ADAMTS17: variants seen among roughly 807,000 people sequenced by gnomAD.
ADAMTS17 encodes the protein ADAM metallopeptidase with thrombospondin type 1 motif 17.
Under a neutral mutation model 141.5 loss-of-function variants are expected in ADAMTS17, and 113 were observed. The ratio of observed to expected loss-of-function variants is 0.80; its 90% confidence interval spans 0.69 to 0.93. The LOEUF is 0.93. Ranked by LOEUF, ADAMTS17 falls within the 40% of genes least tolerant of loss-of-function variation. ADAMTS17 has a pLI of 0.00. For synonymous variants in ADAMTS17, 768 were observed against 630.6 expected, an observed-to-expected ratio of 1.22 and a Z score of -3.27; for missense variants, 1,659 against 1,517.9, an observed-to-expected ratio of 1.09 and a Z score of -1.54.
chr15:100,168,261 C>G (rs1175233910), intron 8 of ADAMTS17: 2 of 152,372 alleles, frequency 1.3e-5, no homozygotes, highest in East Asian at 3.9e-4. Flanking sequence ...CAGGGTGGCT[C>G]TATCAGAAGA....
intron 9 of ADAMTS17, among the ~76,000 whole-genome samples, chr15:100,154,416 T>C (rs887334659): frequency 1.9e-4 from 29 of 152,146 alleles, no homozygotes; most frequent in African/African-American, 6.8e-4. Flanking sequence ...TGCCACTACA[T>C]CCTGAATTCG....
At chr15:100,240,612 A>G (rs2042801291) in intron 7 of ADAMTS17, among the ~76,000 whole-genome samples, 1 of 152,208 alleles carries the variant, frequency 6.6e-6, no homozygotes, top group South Asian at 2.1e-4. Flanking sequence ...AAACTCAAGT[A>G]ATGAGCCTTC....
intron 3 of ADAMTS17, among the ~76,000 whole-genome samples, chr15:100,325,703 G>T (rs765698265): frequency 6.6e-6 from 1 of 152,124 alleles, no homozygotes; most frequent in Non-Finnish European, 1.5e-5. Context: ...CTCTCCCCAT[G>T]TGACACGCTG....
At chr15:100,140,111 T>C (rs2038550170) in intron 10 of ADAMTS17, among the ~76,000 whole-genome samples, 1 of 152,190 alleles carries the variant, frequency 6.6e-6, no homozygotes, top group Non-Finnish European at 1.5e-5. Flanking sequence ...TTCTCCTGCC[T>C]CAGCCTCCTA....
At chr15:100,031,585 A>G (rs1463203168) in intron 18 of ADAMTS17, among the ~76,000 whole-genome samples, 1 of 152,206 alleles carries the variant, frequency 6.6e-6, no homozygotes, top group Non-Finnish European at 1.5e-5. Context: ...TCATCAACGG[A>G]GCATCTGTCC....
At chr15:100,004,173 A>G (rs1296392027) in intron 18 of ADAMTS17, among the ~76,000 whole-genome samples, 3 of 152,222 alleles carry the variant, frequency 2.0e-5, no homozygotes, top group East Asian at 1.9e-4. Context: ...ACACGTTCAC[A>G]CCTGCAGTGC....
At position 99,995,623 on chromosome 15, in the gene ADAMTS17, T is replaced by C. The variant is rs142077912; in HGVS notation, c.2796+1762A>G. On this transcript the variant is annotated intron_variant, in intron 19 of 21. Coordinates refer to ENST00000268070, the MANE Select transcript of ADAMTS17 (RefSeq NM_139057.4). The stretch of plus-strand genomic sequence containing the variant: ...AGTCGGGAAGAAGCTGGGGAGTAGG[T>C]AGTGAGAGCAATCAACACAGCTGGT... Among the ~76,000 whole-genome samples the C allele has an allele frequency of 2.2e-3, 329 of 152,250 alleles. 1 individual carries two copies. Among genetic ancestry groups the C allele is most frequent in the Admixed American group, 0.016 (245 of 15,290 alleles).
intron 2 of ADAMTS17, among the ~76,000 whole-genome samples, chr15:100,339,326 A>G (rs77456786): frequency 0.084 from 12,839 of 152,252 alleles, 730 homozygotes; most frequent in East Asian, 0.3. Flanking sequence ...CTTGCTGGAA[A>G]CTTTACACCA....
chr15:100,207,773 G>T (rs2041634145), intron 7 of ADAMTS17, among the ~76,000 whole-genome samples: 1 of 152,156 alleles, frequency 6.6e-6, no homozygotes, highest in Non-Finnish European at 1.5e-5. Flanking sequence ...GCAAGTTACA[G>T]CCAGGGATGT....
chr15:100,235,120 C>G (rs1299660065), intron 7 of ADAMTS17, among the ~76,000 whole-genome samples: 1 of 152,154 alleles, frequency 6.6e-6, no homozygotes, highest in Non-Finnish European at 1.5e-5. Context: ...GACGCGGGCC[C>G]ACGATGAGAT....
intron 3 of ADAMTS17, among the ~76,000 whole-genome samples, chr15:100,283,129 G>T (rs150125515): frequency 7.6e-4 from 115 of 152,282 alleles, no homozygotes; most frequent in African/African-American, 2.7e-3. Context: ...AGAAGCTCTC[G>T]AGGGAGAAAA....
chr15:100,048,759 A>C (rs1017570032), intron 18 of ADAMTS17, 98 bp downstream of exon 18: 8 of 1,536,766 alleles, frequency 5.2e-6, no homozygotes, highest in Middle Eastern at 2.0e-4. Flanking sequence ...CACAGCATAG[A>C]GCAGTACTGT....
chr15:100,319,393 G>T (rs2045660202), intron 3 of ADAMTS17, among the ~76,000 whole-genome samples: 1 of 152,178 alleles, frequency 6.6e-6, no homozygotes, highest in Admixed American at 6.5e-5. Flanking sequence ...CATGTGAAAG[G>T]GAGTGTGAGC....
chr15:99,999,034 C>A (rs1416682421), intron 18 of ADAMTS17, among the ~76,000 whole-genome samples: 1 of 152,178 alleles, frequency 6.6e-6, no homozygotes, highest in Non-Finnish European at 1.5e-5. Flanking sequence ...TGGCAGGATC[C>A]TTTGAACGGG....
chr15:100,238,582 G>C (rs1244803364), intron 7 of ADAMTS17, among the ~76,000 whole-genome samples: 1 of 152,202 alleles, frequency 6.6e-6, no homozygotes, highest in Non-Finnish European at 1.5e-5. Context: ...GCAACGATGG[G>C]AATTTAATAC....
At chr15:100,276,711 G>A (rs2044109739) in intron 4 of ADAMTS17, among the ~76,000 whole-genome samples, 1 of 152,062 alleles carries the variant, frequency 6.6e-6, no homozygotes, top group Non-Finnish European at 1.5e-5. Context: ...AAACAGATGG[G>A]CTCGCTGGCA....
At chr15:100,201,275 C>T (rs2127845) in intron 7 of ADAMTS17, among the ~76,000 whole-genome samples, 22,829 of 152,098 alleles carry the variant, frequency 0.15, 1,888 homozygotes, top group East Asian at 0.33. Context: ...GTTCTTGGGA[C>T]AGTGAGTTAG....
intron 7 of ADAMTS17, among the ~76,000 whole-genome samples, chr15:100,242,524 C>T (rs2042858330): frequency 6.6e-6 from 1 of 152,168 alleles, no homozygotes; most frequent in South Asian, 2.1e-4. Flanking sequence ...TCCCTGGTGA[C>T]ACTTCTTAAC....
intron 7 of ADAMTS17, among the ~76,000 whole-genome samples, chr15:100,217,451 T>G (rs1238304488): frequency 6.6e-6 from 1 of 151,622 alleles, no homozygotes; most frequent in Non-Finnish European, 1.5e-5. Flanking sequence ...TACAAAAAAT[T>G]AGGTGGGCGT....
Sources: allele counts gnomAD v4.1 joint callset (sites outside exome capture counted in the v4.1 genomes callset), GRCh38; gene constraint gnomAD v4.1.1; transcripts MANE v1.5; gene names NCBI Gene and HGNC (gene_info 2026-07-23, HGNC 2026-07-21).